The following NELL1 variants were observed in gnomAD, a reference collection of about 807,000 sequenced individuals.
NELL1 encodes the protein neural EGFL like 1.
In NELL1, 76 loss-of-function variants were observed where a neutral mutation model predicts 107.4. That is an observed-to-expected ratio of 0.71 (90% confidence interval 0.59 to 0.86). The LOEUF (loss-of-function observed/expected upper bound fraction) is 0.86. Ranked by LOEUF, NELL1 falls within the 40% of genes least tolerant of loss-of-function variation. The probability of loss-of-function intolerance (pLI) is 0.00; values close to 1 mark genes in which losing one functional copy is unlikely to be tolerated. For synonymous variants in NELL1, 353 were observed against 341.2 expected, an observed-to-expected ratio of 1.03 and a Z score of -0.38; for missense variants, 1,024 against 1,005.5, an observed-to-expected ratio of 1.02 and a Z score of -0.25.
chr11:20,860,096 T>C (rs1346661654), intron 4 of NELL1, among the ~76,000 whole-genome samples: 2 of 152,214 alleles, frequency 1.3e-5, no homozygotes, highest in Non-Finnish European at 2.9e-5. Flanking sequence ...AGAGGTATCA[T>C]ATTCACTTAA....
intron 12 of NELL1, among the ~76,000 whole-genome samples, chr11:20,992,526 G>GT (rs1479259713): frequency 6.6e-6 from 1 of 152,104 alleles, no homozygotes; most frequent in African/African-American, 2.4e-5. Flanking sequence ...TCTGTTCATA[G>GT]TTTTTTGTCA....
chr11:20,916,730 T>G (rs1850266277), intron 5 of NELL1, among the ~76,000 whole-genome samples: 1 of 151,934 alleles, frequency 6.6e-6, no homozygotes, highest in Admixed American at 6.6e-5. Flanking sequence ...TTTTGTCTGT[T>G]TACATTCTTT....
chr11:21,147,525 T>G (rs978074328), intron 13 of NELL1, among the ~76,000 whole-genome samples: 1 of 152,108 alleles, frequency 6.6e-6, no homozygotes, highest in African/African-American at 2.4e-5. Flanking sequence ...CTGCATTTAG[T>G]GGTAAATACC....
At chr11:20,678,202 G>C (rs1231053227) in intron 2 of NELL1, 142 bp downstream of exon 2, 2 of 914,484 alleles carry the variant, frequency 2.2e-6, no homozygotes, top group Non-Finnish European at 3.4e-6. Context: ...AGATATGCAG[G>C]GGGTATTATT....
intron 15 of NELL1, among the ~76,000 whole-genome samples, chr11:21,443,376 A>G (rs979475865): frequency 1.2e-4 from 18 of 152,160 alleles, no homozygotes; most frequent in Non-Finnish European, 4.4e-5. Context: ...TATTTAAACC[A>G]TAGCACTTTC....
At chr11:21,220,805 T>C (rs180952856) in intron 13 of NELL1, among the ~76,000 whole-genome samples, 8 of 152,304 alleles carry the variant, frequency 5.3e-5, no homozygotes, top group Admixed American at 2.6e-4. Flanking sequence ...TAATATTATA[T>C]CGTCTGCAAA....
intron 12 of NELL1, 123 bp downstream of exon 12, chr11:20,960,683 C>A (rs979736418): frequency 7.4e-6 from 8 of 1,076,524 alleles, no homozygotes; most frequent in Non-Finnish European, 1.1e-5. Flanking sequence ...TATAAGAAAT[C>A]ATATCAATTG....
At chr11:20,797,565 CAAAAAAAAAAAA>C (rs35016707) in intron 3 of NELL1, among the ~76,000 whole-genome samples, 4 of 69,296 alleles carry the variant, frequency 5.8e-5, no homozygotes, top group African/African-American at 2.5e-4. Context: ...GACTCCATCT[CAAAAAAAAAAAA>C]AAAAAAAAAA....
chr11:21,138,078 A>T (rs1057454246), intron 13 of NELL1, among the ~76,000 whole-genome samples: 3 of 152,126 alleles, frequency 2.0e-5, no homozygotes, highest in Non-Finnish European at 4.4e-5. Flanking sequence ...AGAGAACCTG[A>T]TGGCATTATT....
intron 2 of NELL1, among the ~76,000 whole-genome samples, chr11:20,680,996 A>T (rs1019870289): frequency 2.0e-5 from 3 of 152,168 alleles, no homozygotes; most frequent in African/African-American, 7.2e-5. Flanking sequence ...GAGATGGCTG[A>T]AGGGAATCCA....
At chr11:21,380,825 C>G (rs752425466) in intron 15 of NELL1, among the ~76,000 whole-genome samples, 2 of 151,824 alleles carry the variant, frequency 1.3e-5, no homozygotes, top group African/African-American at 2.4e-5. Flanking sequence ...AGAATTTGGA[C>G]GAGAAAATAA....
At chr11:20,724,863 C>T (rs1855473765) in intron 2 of NELL1, among the ~76,000 whole-genome samples, 1 of 152,180 alleles carries the variant, frequency 6.6e-6, no homozygotes, top group African/African-American at 2.4e-5. Context: ...CTACCTGACA[C>T]TGGGTAATTT....
rs190658561 is a variant in NELL1 at position 21,403,434 on chromosome 11, G to A, written c.1645+32486G>A. Among the ~76,000 whole-genome samples, 533 of 151,774 alleles carry A rather than the reference G, an allele frequency of 3.5e-3. 6 individuals are homozygous for A. Among genetic ancestry groups the A allele is most frequent in the African/African-American group, 0.012 (486 of 41,328 alleles). The stretch of plus-strand genomic sequence containing the variant: ...CATTATTGAAAAGTCCTGGATAGTA[G>A]CCTGATCTTAGGACACAGCTAGATA... On this transcript the variant is annotated intron_variant, in intron 15 of 19. Transcript: ENST00000357134.
intron 2 of NELL1, among the ~76,000 whole-genome samples, chr11:20,732,931 G>C (rs576782163): frequency 5.9e-5 from 9 of 152,270 alleles, no homozygotes; most frequent in African/African-American, 1.7e-4. Context: ...GAACACAAAG[G>C]CTAGTCTCTA....
chr11:20,931,941 G>T (rs1850627377), intron 9 of NELL1, among the ~76,000 whole-genome samples: 1 of 152,162 alleles, frequency 6.6e-6, no homozygotes, highest in South Asian at 2.1e-4. Context: ...GAGCCAATAT[G>T]TAAAAGCAGA....
At chr11:20,792,769 A>G (rs1248944671) in intron 3 of NELL1, among the ~76,000 whole-genome samples, 1 of 151,964 alleles carries the variant, frequency 6.6e-6, no homozygotes, top group Non-Finnish European at 1.5e-5. Context: ...AGCAATAGCA[A>G]TATTAATAAA....
At chr11:20,893,397 A>G (rs1222915691) in intron 5 of NELL1, among the ~76,000 whole-genome samples, 1 of 151,398 alleles carries the variant, frequency 6.6e-6, no homozygotes, top group Non-Finnish European at 1.5e-5. Flanking sequence ...TAAAAAAATA[A>G]TTAAAATTAA....
intron 15 of NELL1, among the ~76,000 whole-genome samples, chr11:21,447,134 T>C (rs1405943666): frequency 1.3e-5 from 2 of 151,100 alleles, no homozygotes; most frequent in Non-Finnish European, 2.9e-5. Flanking sequence ...CAGCTTATGG[T>C]GAATACTGCT....
intron 13 of NELL1, among the ~76,000 whole-genome samples, chr11:21,174,207 C>G (rs889068125): frequency 5.3e-5 from 8 of 151,748 alleles, no homozygotes; most frequent in African/African-American, 1.7e-4. Context: ...AGAGATACTG[C>G]TATTAGATAA....
Sources: allele counts gnomAD v4.1 joint callset (sites outside exome capture counted in the v4.1 genomes callset), GRCh38; gene constraint gnomAD v4.1.1; transcripts MANE v1.5; gene names NCBI Gene and HGNC (gene_info 2026-07-23, HGNC 2026-07-21).